The following NR1H4 variants were observed in gnomAD, a reference collection of about 807,000 sequenced individuals.
The protein encoded by NR1H4 is nuclear receptor subfamily 1 group H member 4.
In NR1H4, 23 loss-of-function variants were observed where a neutral mutation model predicts 58.5. The ratio of observed to expected loss-of-function variants is 0.39; its 90% confidence interval spans 0.28 to 0.56. NR1H4 has a LOEUF of 0.56. NR1H4 is among the 20% of genes least tolerant of loss of function. NR1H4 has a pLI of 0.58. For synonymous variants in NR1H4, 214 were observed against 198.0 expected (o/e 1.08, Z -0.68); for missense variants, 487 against 576.9 (o/e 0.84, Z 1.60).
chr12:100,539,923 G>C (rs1295551263), intron 8 of NR1H4, among the ~76,000 whole-genome samples: 2 of 152,146 alleles, frequency 1.3e-5, no homozygotes, highest in African/African-American at 4.8e-5. Context: ...TGGGGCATGG[G>C]GTTATCTGGG....
intron 1 of NR1H4, among the ~76,000 whole-genome samples, chr12:100,483,951 T>C (rs1312501980): frequency 1.5e-5 from 2 of 132,124 alleles, no homozygotes; most frequent in African/African-American, 6.0e-5. Flanking sequence ...GCCACTGCAC[T>C]CCGACCTGGG....
intron 3 of NR1H4, among the ~76,000 whole-genome samples, chr12:100,510,042 A>T (rs1320005913): frequency 1.3e-5 from 2 of 152,242 alleles, no homozygotes; most frequent in African/African-American, 4.8e-5. Flanking sequence ...AGCACATAGA[A>T]ATCTAAATAA....
intron 9 of NR1H4, among the ~76,000 whole-genome samples, chr12:100,561,054 A>G (rs764685662): frequency 6.6e-6 from 1 of 152,192 alleles, no homozygotes; most frequent in Non-Finnish European, 1.5e-5. Flanking sequence ...ACTGATGCTT[A>G]GTAGGTAATG....
At chr12:100,558,349 CAAAAAAAAAAAA>C (rs10617220) in intron 9 of NR1H4, among the ~76,000 whole-genome samples, 2 of 79,964 alleles carry the variant, frequency 2.5e-5, no homozygotes, top group Non-Finnish European at 4.6e-5. Flanking sequence ...GATTCCATCT[CAAAAAAAAAAAA>C]AAAAAAAAAA....
intron 9 of NR1H4, among the ~76,000 whole-genome samples, chr12:100,543,059 A>C (rs1954974647): frequency 6.6e-6 from 1 of 152,126 alleles, no homozygotes; most frequent in Admixed American, 6.6e-5. Flanking sequence ...GAGAGCTCCG[A>C]AAAAGTTTTA....
chr12:100,485,532 A>G (rs1311439498), intron 1 of NR1H4, among the ~76,000 whole-genome samples: 1 of 151,664 alleles, frequency 6.6e-6, no homozygotes, highest in Non-Finnish European at 1.5e-5. Context: ...ATTTTATTTT[A>G]TTTTATTTTT....
At chr12:100,511,356 G>A (rs1954110858) in intron 4 of NR1H4, among the ~76,000 whole-genome samples, 1 of 152,174 alleles carries the variant, frequency 6.6e-6, no homozygotes, top group African/African-American at 2.4e-5. Flanking sequence ...GACTGTTAGA[G>A]TATCTAGCTT....
At position 100,507,614 on chromosome 12, in the gene NR1H4, C is replaced by T. The variant is rs547817032; in HGVS notation, c.80-3164C>T. Among the ~76,000 whole-genome samples, 5 of 152,186 alleles carry T rather than the reference C, an allele frequency of 3.3e-5. No homozygotes were observed. The South Asian group carries it at 1.0e-3, about 32-fold the overall frequency. On this transcript the variant is annotated intron_variant, in intron 3 of 10. Transcript: ENST00000392986. ...GGTAGCTGGGACTACAGGTGTGCAC[C>T]ACCAAGCCCAGCTAATTTTTTTGTA... is the stretch of plus-strand genomic sequence containing the variant.
At chr12:100,522,225 G>GTGA (rs373653033) in intron 4 of NR1H4, among the ~76,000 whole-genome samples, 3 of 152,160 alleles carry the variant, frequency 2.0e-5, no homozygotes, top group Non-Finnish European at 4.4e-5. Context: ...TGTTGGTGAT[G>GTGA]TGATGATGAT....
Position 100,537,045 on chromosome 12 carries a change from C to G in NR1H4, c.929C>G (p.Pro310Arg). Residue 310 changes from proline (P) to arginine (R), a missense_variant and splice_region_variant, in exon 8 of 11, where the codon CCA becomes CGA. Transcript: ENST00000392986. ...CTTGTAGAATTCACAAAAAAGCTAC[C>G]AGGTATTTTTTAAATAATCAAAGTT... ...QVLVEFTKKL[P>R]GFQTLDHEDQ... 6.4e-7 allele frequency: 1 copy of G among 1,572,076 alleles called. No individual in the cohort carries two copies. Among genetic ancestry groups the G allele is most frequent in the Non-Finnish European group, 8.7e-7 (1 of 1,147,806 alleles).
chr12:100,535,655 T>C (rs1224297936), intron 6 of NR1H4, among the ~76,000 whole-genome samples: 2 of 152,256 alleles, frequency 1.3e-5, no homozygotes, highest in Admixed American at 6.5e-5. Flanking sequence ...TATTACATTA[T>C]TGACAAAGAA....
chr12:100,547,100 A>G (rs1250387332), intron 9 of NR1H4, among the ~76,000 whole-genome samples: 1 of 152,032 alleles, frequency 6.6e-6, no homozygotes, highest in East Asian at 1.9e-4. Flanking sequence ...CTTTCTTCAA[A>G]TTTCCAACAT....
intron 9 of NR1H4, among the ~76,000 whole-genome samples, chr12:100,546,412 A>G (rs1258833749): frequency 6.6e-6 from 1 of 151,980 alleles, no homozygotes; most frequent in East Asian, 1.9e-4. Flanking sequence ...ATCAACGTCC[A>G]TTGCCGGGCG....
At chr12:100,525,978 A>G (rs1471924205) in intron 4 of NR1H4, among the ~76,000 whole-genome samples, 1 of 151,888 alleles carries the variant, frequency 6.6e-6, no homozygotes, top group Non-Finnish European at 1.5e-5. Context: ...CCTCTCCTTC[A>G]TTTCTGATAT....
chr12:100,543,974 C>T lies in NR1H4; in HGVS notation c.1078+3156C>T, dbSNP rs111362739. Among the ~76,000 whole-genome samples the T allele has an allele frequency of 1.8e-4, 28 of 152,178 alleles. 1 individual carries two copies. The highest frequency in any genetic ancestry group is 6.7e-4 in the African/African-American group (28 of 41,520). ...TCCCTTTAAGAAAATCCCAGTTGGC[C>T]GGGTGCGGTGGCTCACGCCTCTAAT... On this transcript the variant is annotated intron_variant, in intron 9 of 10. Transcript: ENST00000392986.
intron 1 of NR1H4, among the ~76,000 whole-genome samples, chr12:100,475,749 T>C (rs559112153): frequency 6.6e-6 from 1 of 152,310 alleles, no homozygotes; most frequent in Non-Finnish European, 1.5e-5. Flanking sequence ...TATTATTATT[T>C]TTTTGAGACA....
At chr12:100,556,231 G>T (rs1955319651) in intron 9 of NR1H4, among the ~76,000 whole-genome samples, 1 of 152,042 alleles carries the variant, frequency 6.6e-6, no homozygotes, top group South Asian at 2.1e-4. Context: ...ACTTTGAGAG[G>T]CTGAGGCGGG....
chr12:100,493,154 G>A, intron 2 of NR1H4, 116 bp from the exon 3 acceptor site: 2 of 617,720 alleles, frequency 3.2e-6, no homozygotes, highest in East Asian at 2.8e-5. Flanking sequence ...ATAGTAAAAT[G>A]CATTCAAAGG....
In NR1H4 at chr12:100,537,033, CA is replaced by C; in HGVS notation, c.923del (p.Lys308SerfsTer17). ...CATGTACAGGTTCTTGTAGAATTCA[CA>C]AAAAAGCTACCAGGTATTTTTTAAA... ...TNHVQVLVEF[T>X]KKLPGFQTLD... On this transcript the variant is annotated frameshift_variant, in exon 8 of 11. Transcript: ENST00000392986. LOFTEE classifies it high-confidence loss of function. 1.9e-6 allele frequency: 3 copies of C among 1,594,726 alleles called. No homozygotes were observed. Among genetic ancestry groups the C allele is most frequent in the South Asian group, 2.3e-5 (2 of 88,074 alleles).
Sources: allele counts gnomAD v4.1 joint callset (sites outside exome capture counted in the v4.1 genomes callset), GRCh38; gene constraint gnomAD v4.1.1; transcripts MANE v1.5; gene names NCBI Gene and HGNC (gene_info 2026-07-23, HGNC 2026-07-21).